Variants in ADK observed in about 807,000 individuals in gnomAD.
ADK encodes the protein N6,N6-dimethyladenosine kinase.
Under a neutral mutation model 44.7 loss-of-function variants are expected in ADK, and 24 were observed. That is an observed-to-expected ratio of 0.54 (90% CI 0.39 to 0.76). The LOEUF (loss-of-function observed/expected upper bound fraction) is 0.76, where lower values mean the gene tolerates loss of function less well. Among genes scored for constraint, ADK ranks in the 30% least tolerant of loss-of-function variants. The pLI is 0.00. For synonymous variants in ADK, 128 were observed against 142.6 expected (o/e 0.90, Z 0.73); for missense variants, 321 against 425.1 (o/e 0.76, Z 2.15).
chr10:74,222,396 CTT>C (rs1223703785), intron 2 of ADK, among the ~76,000 whole-genome samples: 5 of 151,424 alleles, frequency 3.3e-5, no homozygotes, highest in Admixed American at 1.3e-4. Flanking sequence ...AATAGGAACA[CTT>C]TTACACTGTT....
At chr10:74,201,626 GTGTT>G (rs904470085) in intron 2 of ADK, among the ~76,000 whole-genome samples, 1 of 151,866 alleles carries the variant, frequency 6.6e-6, no homozygotes, top group African/African-American at 2.4e-5. Flanking sequence ...CAGTGTGTGT[GTGTT>G]TGTGTGTGTG....
intron 9 of ADK, among the ~76,000 whole-genome samples, chr10:74,603,420 C>A (rs971658864): frequency 1.3e-5 from 2 of 152,024 alleles, no homozygotes; most frequent in Admixed American, 6.5e-5. Flanking sequence ...TCCCCCACCC[C>A]CCGACAGGCC....
chr10:74,236,003 G>A (rs1564610577), intron 3 of ADK, among the ~76,000 whole-genome samples: 1 of 152,172 alleles, frequency 6.6e-6, no homozygotes, highest in East Asian at 1.9e-4. Context: ...GGACTTCCCA[G>A]CCTTCAGAAC....
intron 6 of ADK, among the ~76,000 whole-genome samples, chr10:74,491,620 A>G (rs760718490): frequency 7.9e-5 from 12 of 152,326 alleles, no homozygotes; most frequent in Admixed American, 4.6e-4. Context: ...GTAATTTGTG[A>G]CATAAACCAA....
At chr10:74,568,740 A>T (rs1192290577) in intron 7 of ADK, among the ~76,000 whole-genome samples, 6 of 151,670 alleles carry the variant, frequency 4.0e-5, no homozygotes, top group African/African-American at 1.5e-4. Flanking sequence ...TAGGTATTAT[A>T]ATTCTGTATA....
rs369768853 is a variant in ADK at position 74,683,849 on chromosome 10, G to A, written c.964+13580G>A. Among the ~76,000 whole-genome samples, 190 of 152,326 alleles carry A rather than the reference G, an allele frequency of 1.2e-3. 1 individual carries two copies. The highest frequency in any genetic ancestry group is 0.011 in the South Asian group (51 of 4,826). ...ACCAGACTGTTTGCTCCAGCTTTCT[G>A]ATCTCCTGCAGTTTATTTTTATAAC... On this transcript the variant is annotated intron_variant, in intron 10 of 10. Transcript: ENST00000539909.
chr10:74,342,059 T>G (rs1841600438), intron 4 of ADK, among the ~76,000 whole-genome samples: 1 of 152,186 alleles, frequency 6.6e-6, no homozygotes, highest in Non-Finnish European at 1.5e-5. Flanking sequence ...AGCATTTTTA[T>G]CACCTCAAAA....
At chr10:74,486,107 G>A (rs1424380199) in intron 6 of ADK, among the ~76,000 whole-genome samples, 1 of 152,158 alleles carries the variant, frequency 6.6e-6, no homozygotes, top group East Asian at 1.9e-4. Flanking sequence ...GAGACCTGGT[G>A]GGAGGTGATT....
intron 1 of ADK, among the ~76,000 whole-genome samples, chr10:74,177,683 G>C (rs1338712032): frequency 1.3e-5 from 2 of 152,026 alleles, no homozygotes; most frequent in East Asian, 3.9e-4. Flanking sequence ...CTTTTTAAAA[G>C]CAGAACTTGG....
chr10:74,281,714 A>G (rs1428343789), intron 3 of ADK, among the ~76,000 whole-genome samples: 1 of 152,234 alleles, frequency 6.6e-6, no homozygotes, highest in African/African-American at 2.4e-5. Context: ...AGTAAATACC[A>G]TAAGGTTCAG....
At chr10:74,311,071 G>C (rs1385188727) in intron 3 of ADK, among the ~76,000 whole-genome samples, 1 of 152,100 alleles carries the variant, frequency 6.6e-6, no homozygotes, top group African/African-American at 2.4e-5. Flanking sequence ...CTAAACAGAT[G>C]TATAAAAGAG....
chr10:74,164,381 C>T (rs1274960559), intron 1 of ADK, among the ~76,000 whole-genome samples: 2 of 151,816 alleles, frequency 1.3e-5, no homozygotes, highest in Non-Finnish European at 2.9e-5. Context: ...ACTAAAAATA[C>T]AAAAATTAGC....
chr10:74,615,506 T>A (rs534054946), intron 9 of ADK, among the ~76,000 whole-genome samples: 1 of 152,318 alleles, frequency 6.6e-6, no homozygotes, highest in Non-Finnish European at 1.5e-5. Context: ...GGTACCAATA[T>A]AAACTCCCCC....
intron 4 of ADK, among the ~76,000 whole-genome samples, chr10:74,336,256 T>C (rs192630173): frequency 1.1e-4 from 16 of 152,336 alleles, no homozygotes; most frequent in Admixed American, 9.8e-4. Context: ...GGCATATGGA[T>C]ATCCAATTGA....
chr10:74,658,879 T>TAC (rs567084013), intron 9 of ADK, among the ~76,000 whole-genome samples: 2,213 of 150,734 alleles, frequency 0.015, 21 homozygotes, highest in Non-Finnish European at 0.022. Context: ...TAATTCATTA[T>TAC]ACACACACAC....
intron 7 of ADK, among the ~76,000 whole-genome samples, chr10:74,537,997 C>A (rs1360878741): frequency 6.6e-6 from 1 of 152,076 alleles, no homozygotes; most frequent in Admixed American, 6.6e-5. Context: ...TGGCTCATGC[C>A]TGTAATCCCA....
At chr10:74,284,367 T>G (rs1847074279) in intron 3 of ADK, among the ~76,000 whole-genome samples, 1 of 149,562 alleles carries the variant, frequency 6.7e-6, no homozygotes, top group Admixed American at 6.7e-5. Flanking sequence ...CAGGTTCAAG[T>G]GAGTCTCCTG....
chr10:74,356,087 C>T (rs370738765), intron 4 of ADK, among the ~76,000 whole-genome samples: 153 of 134,376 alleles, frequency 1.1e-3, no homozygotes, highest in Middle Eastern at 4.5e-3. Context: ...GGCGCAATCT[C>T]GGCTCACTGC....
chr10:74,639,845 G>A (rs1002895328), intron 9 of ADK, among the ~76,000 whole-genome samples: 3 of 152,132 alleles, frequency 2.0e-5, no homozygotes, highest in Non-Finnish European at 2.9e-5. Context: ...GCGAGCAAGC[G>A]AGACTCCATC....
Sources: allele counts gnomAD v4.1 joint callset (sites outside exome capture counted in the v4.1 genomes callset), GRCh38; gene constraint gnomAD v4.1.1; transcripts MANE v1.5; gene names NCBI Gene and HGNC (gene_info 2026-07-23, HGNC 2026-07-21).